Variants in PCDH12 observed in about 807,000 individuals in gnomAD.
The protein encoded by PCDH12 is protocadherin-12.
A neutral mutation model predicts 70.9 loss-of-function variants in PCDH12; 45 were observed. The ratio of observed to expected loss-of-function variants is 0.63; its 90% confidence interval spans 0.50 to 0.81. The LOEUF (loss-of-function observed/expected upper bound fraction) is 0.81. Ranked by LOEUF, PCDH12 falls within the 40% of genes least tolerant of loss-of-function variation. PCDH12 has a pLI of 0.00. For missense variants in PCDH12, 1,370 were observed against 1,491.7 expected, an observed-to-expected ratio of 0.92 and a Z score of 1.34; for synonymous variants, 567 against 626.0, an observed-to-expected ratio of 0.91 and a Z score of 1.41.
In PCDH12 at chr5:141,951,524, T is replaced by G. The variant is rs1423924025; in HGVS notation, c.2947A>C (p.Asn983His). The G allele has an allele frequency of 6.2e-7, 1 of 1,614,128 alleles. No individual in the cohort carries two copies. The highest frequency in any genetic ancestry group is 2.2e-5 in the East Asian group (1 of 44,886). The change falls in exon 2 of 4, where the codon AAT becomes CAT. Residue 983 changes from asparagine to histidine, a missense_variant. Coordinates refer to ENST00000231484, the MANE Select transcript of PCDH12 (RefSeq NM_016580.4). Reference sequence around the variant, plus strand: ...CCTCCTGGCTTGGCCAAGTACTTATTTCCTCGGTGGTTTGGTTTGGGCTGG... The same window carrying G: ...CCTCCTGGCTTGGCCAAGTACTTATGTCCTCGGTGGTTTGGTTTGGGCTGG... Reference protein sequence around the residue: ...QFQPKPNHRGNKYLAKPGGSR... With the variant: ...QFQPKPNHRGHKYLAKPGGSR...
rs2126931454 is a variant in PCDH12, at chr5:141,957,768, G to T, written c.84C>A (p.Thr28=). The T allele has an allele frequency of 1.2e-6, 2 of 1,611,034 alleles. No individual in the cohort carries two copies. The highest frequency in any genetic ancestry group is 1.7e-6 in the Non-Finnish European group (2 of 1,180,024). Residue 28 remains threonine, a synonymous_variant, in exon 1 of 4, where the codon ACC becomes ACA. Transcript: ENST00000231484. This position sits in a 1 kb window ranked among gnomAD's most constrained non-coding sequence, Gnocchi z 4.3. ...ACACTTGGTATTTCACCGTGAGAGT[G>T]GTCACCTCCTGACAATCCCCTAAAA... The part of the protein sequence containing the change: ...LFLLGDCQEV[T]TLTVKYQVSE...
Position 141,951,498 on chromosome 5 carries a change from GCCT to G in PCDH12, c.2970_2972del (p.Gly991del), listed in dbSNP as rs1234860322. Reference sequence around the variant, plus strand: ...GGGGGCTACGTGCTGCTTACCTGCTGCCTCCTGGCTTGGCCAAGTACTTATTTC... The same window carrying G: ...GGGGGCTACGTGCTGCTTACCTGCTGCCTGGCTTGGCCAAGTACTTATTTC... On this transcript the variant is annotated inframe_deletion, in exon 2 of 4. Coordinates refer to ENST00000231484, the MANE Select transcript of PCDH12 (RefSeq NM_016580.4). The G allele has an allele frequency of 6.2e-7, 1 of 1,613,834 alleles. No homozygotes were observed. The highest frequency in any genetic ancestry group is 1.3e-5 in the African/African-American group (1 of 75,026).
Position 141,945,667 on chromosome 5 carries a change from A to G in PCDH12, c.3269T>C (p.Phe1090Ser). The G allele has an allele frequency of 6.2e-7, 1 of 1,614,138 alleles. No homozygotes were observed. Among genetic ancestry groups the G allele is most frequent in the African/African-American group, 1.3e-5 (1 of 75,030 alleles). ...ATEEPRTFQT[F>S]GKAEAPELSP... is the part of the protein sequence containing the mutation. ...CAGCTCTGGTGCCTCTGCCTTGCCG[A>G]ACGTCTGGAAGGTCCTTGGCTCCTC... Residue 1090 changes from phenylalanine (F) to serine (S), a missense_variant, in exon 4 of 4, where the codon TTC becomes TCC. Coordinates refer to ENST00000231484, the MANE Select transcript of PCDH12 (RefSeq NM_016580.4).
At position 141,957,435 on chromosome 5, in the gene PCDH12, C is replaced by T. The variant is rs1753204627; in HGVS notation, c.417G>A (p.Glu139=). The T allele has an allele frequency of 1.2e-6, 2 of 1,612,416 alleles. No individual in the cohort carries two copies. Among genetic ancestry groups the T allele is most frequent in the Non-Finnish European group, 1.7e-6 (2 of 1,179,206 alleles). The change falls in exon 1 of 4, where the codon GAG becomes GAA. Residue 139 remains glutamate (E), a synonymous_variant. Coordinates refer to ENST00000231484, the MANE Select transcript of PCDH12 (RefSeq NM_016580.4). This position sits in a 1 kb window ranked among gnomAD's most constrained non-coding sequence, Gnocchi z 4.3. The stretch of plus-strand genomic sequence containing the variant: ...CGCTCTCAGAGATTTCCAGCTCCTG[C>T]TCGCCTTTGGGAAACCGTGGCTGGT... ...NDHQPRFPKG[E]QELEISESAS... is the part of the protein sequence containing the mutation.
chr5:141,947,131 G>A (rs577940331), intron 3 of PCDH12, among the ~76,000 whole-genome samples: 1 of 152,350 alleles, frequency 6.6e-6, no homozygotes, highest in East Asian at 1.9e-4. Context: ...TCCGAAGTAT[G>A]TGTAGTCATT....
intron 3 of PCDH12, among the ~76,000 whole-genome samples, chr5:141,948,395 G>T (rs1482460991): frequency 6.6e-6 from 1 of 152,238 alleles, no homozygotes; most frequent in Non-Finnish European, 1.5e-5. Flanking sequence ...ATGAGAAACA[G>T]TGTTAACTAC....
In PCDH12 at chr5:141,957,718, A is replaced by G. The variant is rs1277011412; in HGVS notation, c.134T>C (p.Val45Ala). The G allele has an allele frequency of 1.2e-6, 2 of 1,613,914 alleles. No homozygotes were observed. Among genetic ancestry groups the G allele is most frequent in the African/African-American group, 2.7e-5 (2 of 74,892 alleles). ...CAGTTCCTGGGACAGCTTCCCGATC[A>G]CTGTACCAGATGGCACTTCCTCTGA... ...QVSEEVPSGT[V>A]IGKLSQELGR... Residue 45 changes from valine (V) to alanine (A), a missense_variant, in exon 1 of 4, where the codon GTG becomes GCG. Val to Ala is a moderately conservative substitution (Grantham distance 64). Transcript: ENST00000231484. This position sits in a 1 kb window ranked among gnomAD's most constrained non-coding sequence, Gnocchi z 4.3.
At chr5:141,949,614 G>A (rs760480840) in intron 2 of PCDH12, 31 bp from the exon 3 acceptor site, 1 of 1,604,538 alleles carries the variant, frequency 6.2e-7, no homozygotes, top group East Asian at 2.2e-5. Context: ...TCCATGGGTA[G>A]GGACATTCCC....
In PCDH12 at chr5:141,956,962, A is replaced by G. The variant is rs769285916; in HGVS notation, c.890T>C (p.Ile297Thr). The G allele has an allele frequency of 4.3e-6, 7 of 1,614,044 alleles. No individual in the cohort carries two copies. The African/African-American group carries it at 8.0e-5, about 18-fold the overall frequency. Residue 297 changes from isoleucine to threonine, a missense_variant, in exon 1 of 4, where the codon ATT (isoleucine) becomes ACT (threonine). By Grantham distance (89) the Ile-to-Thr change is moderately conservative (BLOSUM62 -1). Transcript: ENST00000231484. The stretch of plus-strand genomic sequence containing the variant: ...AATGACCTGGCCTGTCTTGGCATCA[A>G]TACTGAAGGTGTCCAGCACCTCTGG... ...MPPEVLDTFS[I>T]DAKTGQVILR...
intron 3 of PCDH12, among the ~76,000 whole-genome samples, chr5:141,947,049 TC>T (rs1752952400): frequency 6.6e-6 from 1 of 152,204 alleles, no homozygotes; most frequent in Non-Finnish European, 1.5e-5. Flanking sequence ...GCAGAAGCAA[TC>T]CATTCTCTTT....
In PCDH12 at chr5:141,957,093, G is replaced by C. The variant is rs1444812596; in HGVS notation, c.759C>G (p.Ile253Met). 1 of 1,614,142 alleles carries C rather than the reference G, an allele frequency of 6.2e-7. No individual in the cohort carries two copies. Among genetic ancestry groups the C allele is most frequent in the East Asian group, 2.2e-5 (1 of 44,880 alleles). Residue 253 changes from isoleucine (I) to methionine (M), a missense_variant, in exon 1 of 4, where the codon ATC (isoleucine) becomes ATG (methionine). By Grantham distance (10) the Ile-to-Met change is conservative. Transcript: ENST00000231484. The surrounding 1 kb of genome is among the most constrained non-coding windows in gnomAD (Gnocchi z 4.3). The part of the protein sequence containing the change: ...AFAESSLALE[I>M]QEDAAPGTLL... ...GCGTACCAGGTGCAGCATCTTCTTGGATTTCCAGTGCCAGTGAACTCTCAG... is the reference window on the plus strand; with the variant it reads ...GCGTACCAGGTGCAGCATCTTCTTGCATTTCCAGTGCCAGTGAACTCTCAG...
intron 3 of PCDH12, among the ~76,000 whole-genome samples, chr5:141,946,658 G>A (rs772536538): frequency 6.6e-6 from 1 of 152,236 alleles, no homozygotes; most frequent in East Asian, 1.9e-4. Context: ...AGGCTGGGGA[G>A]GGGCTGCCTG....
At position 141,957,631 on chromosome 5, in the gene PCDH12, G is replaced by T. The variant is rs755839229; in HGVS notation, c.221C>A (p.Ala74Glu). The T allele has an allele frequency of 6.8e-6, 11 of 1,614,044 alleles. No individual in the cohort carries two copies. The Admixed American group carries it at 1.8e-4, about 27-fold the overall frequency. The stretch of plus-strand genomic sequence containing the variant: ...CTCAGAGTCCACCTGAATGGGGAGC[G>T]CCTGAGGCAGCTGCAACACCTGGAA... ...AAFQVLQLPQ[A>E]LPIQVDSEEG... The change falls in exon 1 of 4, where the codon GCG becomes GAG. Residue 74 changes from alanine to glutamate, a missense_variant. Physicochemically the swap from Ala to Glu is moderately radical, Grantham distance 107. Transcript: ENST00000231484. The surrounding 1 kb of genome is among the most constrained non-coding windows in gnomAD (Gnocchi z 4.3).
At chr5:141,951,429 C>T (rs1434558402) in intron 2 of PCDH12, 64 bp downstream of exon 2, 20 of 1,201,784 alleles carry the variant, frequency 1.7e-5, no homozygotes, top group Non-Finnish European at 2.5e-5. Context: ...CTCACAGAGG[C>T]TGCAGTGATG....
intron 1 of PCDH12, 80 bp downstream of exon 1, chr5:141,954,892 G>A: frequency 6.6e-7 from 1 of 1,505,310 alleles, no homozygotes; most frequent in East Asian, 2.3e-5. Context: ...CATGAGGACT[G>A]TGCAGGTTAT....
At chr5:141,953,531 G>T (rs1223423274) in intron 1 of PCDH12, among the ~76,000 whole-genome samples, 1 of 152,222 alleles carries the variant, frequency 6.6e-6, no homozygotes, top group African/African-American at 2.4e-5. Context: ...GACTCTATGT[G>T]CTGCTGGAAA....
At position 141,944,316 on chromosome 5, in the gene PCDH12, G is replaced by A. The variant is rs1042420033; in HGVS notation, c.*1065C>T. On this transcript the variant is annotated 3_prime_UTR_variant, in exon 4 of 4. Transcript: ENST00000231484. ...GAAGAGCTACTTGTTGGGAAAGAAC[G>A]GGTCTGCATCAGTTCAGATCCAAGT... The A allele has an allele frequency of 2.0e-5, 3 of 152,254 alleles. No homozygotes were observed. Among genetic ancestry groups the A allele is most frequent in the Non-Finnish European group, 4.4e-5 (3 of 68,068 alleles). 9.4% of individuals were successfully genotyped at this position (152,254 alleles called of 1,614,324 possible). A position where few individuals can be genotyped will look rare whatever the true frequency, so the allele number is the denominator to read the frequency against.
chr5:141,952,463 T>C (rs901240535), intron 1 of PCDH12: 3 of 152,116 alleles, frequency 2.0e-5, no homozygotes, highest in Non-Finnish European at 4.4e-5. Flanking sequence ...AGAATGAAGG[T>C]CTGGGCAAGG....
At position 141,957,098 on chromosome 5, in the gene PCDH12, C is replaced by A; in HGVS notation, c.754G>T (p.Glu252Ter). ...CCAGGTGCAGCATCTTCTTGGATTT[C>A]CAGTGCCAGTGAACTCTCAGCAAAC... The part of the protein sequence containing the change: ...PAFAESSLAL[E>*]IQEDAAPGTL... Residue 252 changes from glutamate to a stop codon, truncating the protein, a stop_gained, in exon 1 of 4, where the codon GAA (glutamate) becomes TAA (stop). Coordinates refer to ENST00000231484, the MANE Select transcript of PCDH12 (RefSeq NM_016580.4). LOFTEE classifies it high-confidence loss of function. The surrounding 1 kb of genome is among the most constrained non-coding windows in gnomAD (Gnocchi z 4.3). The A allele has an allele frequency of 6.2e-7, 1 of 1,614,120 alleles. No individual in the cohort carries two copies. Among genetic ancestry groups the A allele is most frequent in the Non-Finnish European group, 8.5e-7 (1 of 1,180,006 alleles).
Sources: gnomAD v4.1 joint callset for allele counts (sites outside exome capture counted in the v4.1 genomes callset) on GRCh38, gnomAD v4.1.1 for gene constraint, Gnocchi (gnomAD v3.1) non-coding constraint, MANE v1.5 for transcripts, NCBI Gene and HGNC (gene_info 2026-07-23, HGNC 2026-07-21) for gene names.